CACNA1D: variants seen among roughly 807,000 people sequenced by gnomAD.
The protein encoded by CACNA1D is calcium voltage-gated channel subunit alpha1 D.
A neutral mutation model predicts 257.1 loss-of-function variants in CACNA1D; 55 were observed. The ratio of observed to expected loss-of-function variants is 0.21; its 90% CI spans 0.17 to 0.27. The LOEUF is 0.27. Among genes scored for constraint, CACNA1D ranks in the 10% least tolerant of loss-of-function variants. The probability of loss-of-function intolerance (pLI) is 1.00; values close to 1 mark genes in which losing one functional copy is unlikely to be tolerated. For missense variants in CACNA1D, 1,876 were observed against 2,784.0 expected, an observed-to-expected ratio of 0.67 and a Z score of 7.34; for synonymous variants, 980 against 1,014.9, an observed-to-expected ratio of 0.97 and a Z score of 0.65.
intron 11 of CACNA1D, among the ~76,000 whole-genome samples, chr3:53,721,881 G>A (rs758992873): frequency 6.6e-6 from 1 of 152,176 alleles, no homozygotes; most frequent in Non-Finnish European, 1.5e-5. Flanking sequence ...TGCTGCAAGA[G>A]ATGTGTATAA....
intron 12 of CACNA1D, among the ~76,000 whole-genome samples, chr3:53,722,848 A>T (rs2094896086): frequency 1.3e-5 from 2 of 152,158 alleles, no homozygotes; most frequent in Admixed American, 1.3e-4. Context: ...ATGCTCCAGC[A>T]CTGGGGTGTG....
intron 11 of CACNA1D, among the ~76,000 whole-genome samples, chr3:53,720,397 C>T (rs1352610222): frequency 6.6e-6 from 1 of 152,116 alleles, no homozygotes; most frequent in Admixed American, 6.5e-5. Context: ...CTTTCTGTAA[C>T]AGAAAACAAA....
At chr3:53,762,934 C>T (rs2095311876) in intron 30 of CACNA1D, among the ~76,000 whole-genome samples, 1 of 152,234 alleles carries the variant, frequency 6.6e-6, no homozygotes, top group Non-Finnish European at 1.5e-5. Context: ...AATGTTGTCA[C>T]TCACCAGTCG....
chr3:53,770,625 A>G, intron 32 of CACNA1D, 73 bp downstream of exon 32: 1 of 1,463,394 alleles, frequency 6.8e-7, no homozygotes, highest in Non-Finnish European at 9.5e-7. Flanking sequence ...TCCCCATCCT[A>G]GAGGACCCAG....
chr3:53,704,094 A>G (rs552567332), intron 9 of CACNA1D, among the ~76,000 whole-genome samples: 7 of 152,168 alleles, frequency 4.6e-5, no homozygotes, highest in Admixed American at 3.9e-4. Context: ...TGGAGCACAG[A>G]GGGTATGAAG....
At chr3:53,709,082 G>T (rs1368923061) in intron 9 of CACNA1D, among the ~76,000 whole-genome samples, 1 of 152,206 alleles carries the variant, frequency 6.6e-6, no homozygotes, top group Admixed American at 6.5e-5. Flanking sequence ...GGTGCAGCAG[G>T]AATAGGGTCT....
chr3:53,718,341 G>C lies in CACNA1D; in HGVS notation c.1431G>C (p.Glu477Asp), dbSNP rs760909552. The C allele has an allele frequency of 4.3e-6, 7 of 1,614,100 alleles. No homozygotes were observed. The highest frequency in any genetic ancestry group is 1.7e-5 in the Admixed American group (1 of 60,016). Residue 477 changes from glutamate (E) to aspartate (D), a missense_variant, in exon 10 of 48, where the codon GAG becomes GAC. Glu to Asp is a conservative substitution (Grantham distance 45, BLOSUM62 2). This residue lies in a region of CACNA1D where 257 missense variants were observed against 399.7 expected (regional missense o/e 0.64). Coordinates refer to ENST00000350061, the MANE Select transcript of CACNA1D (RefSeq NM_001128840.3). ...PTSETESVNTENVSGEGENRG... is the reference protein window; with the variant it reads ...PTSETESVNTDNVSGEGENRG... ...GCGAGACTGAGTCTGTGAACACAGA[G>C]AACGTCAGCGGTGAAGGCGAGAACC...
chr3:53,768,757 G>A (rs2095349223), intron 30 of CACNA1D, among the ~76,000 whole-genome samples: 1 of 152,142 alleles, frequency 6.6e-6, no homozygotes, highest in Non-Finnish European at 1.5e-5. Flanking sequence ...GAACTTTGTA[G>A]AATTTCCCTT....
At chr3:53,541,606 C>A (rs2092299524) in intron 3 of CACNA1D, among the ~76,000 whole-genome samples, 1 of 152,134 alleles carries the variant, frequency 6.6e-6, no homozygotes, top group Admixed American at 6.5e-5. Context: ...ACTGACCAGT[C>A]TTTTGGATCT....
intron 1 of CACNA1D, 77 bp from the exon 2 acceptor site, chr3:53,497,075 C>G (rs1323544938): frequency 9.1e-7 from 1 of 1,097,488 alleles, no homozygotes; most frequent in African/African-American, 1.6e-5. Context: ...TGATGGGAGA[C>G]AACCTTTGAT....
intron 21 of CACNA1D, among the ~76,000 whole-genome samples, chr3:53,740,989 A>G (rs2095111916): frequency 6.6e-6 from 1 of 152,212 alleles, no homozygotes; most frequent in South Asian, 2.1e-4. Context: ...GTCTGTTTTA[A>G]TGGATGGGCT....
intron 8 of CACNA1D, among the ~76,000 whole-genome samples, chr3:53,680,560 C>G (rs2094420531): frequency 6.6e-6 from 1 of 152,092 alleles, no homozygotes; most frequent in Admixed American, 6.5e-5. Flanking sequence ...GCAGGGGAGG[C>G]TGTTGAATCT....
chr3:53,590,982 C>T (rs1445914247), intron 3 of CACNA1D, among the ~76,000 whole-genome samples: 1 of 152,146 alleles, frequency 6.6e-6, no homozygotes, highest in Non-Finnish European at 1.5e-5. Context: ...GATTGAAATA[C>T]ACATTTGAGG....
At chr3:53,507,495 G>A (rs1388775070) in intron 3 of CACNA1D, among the ~76,000 whole-genome samples, 2 of 152,038 alleles carry the variant, frequency 1.3e-5, no homozygotes, top group Non-Finnish European at 2.9e-5. Context: ...GCGTGCACCT[G>A]TGGTCCCAGC....
intron 3 of CACNA1D, among the ~76,000 whole-genome samples, chr3:53,525,299 T>C (rs1559791108): frequency 6.6e-6 from 1 of 152,172 alleles, no homozygotes; most frequent in South Asian, 2.1e-4. Flanking sequence ...AAAATCCTGG[T>C]ATCGTAAATG....
chr3:53,646,316 G>A (rs144882892), intron 3 of CACNA1D, among the ~76,000 whole-genome samples: 279 of 152,304 alleles, frequency 1.8e-3, no homozygotes, highest in African/African-American at 6.1e-3. Context: ...CTAGCAGTTT[G>A]ACTCTTTATT....
intron 47 of CACNA1D, chr3:53,810,554 CAA>C: frequency 1.9e-6 from 1 of 519,576 alleles, no homozygotes; most frequent in Non-Finnish European, 3.5e-6. Context: ...GTCAGCGGCT[CAA>C]AGACCAGCCT....
At chr3:53,674,663 G>A (rs530851747) in intron 8 of CACNA1D, among the ~76,000 whole-genome samples, 5 of 152,278 alleles carry the variant, frequency 3.3e-5, no homozygotes, top group Admixed American at 6.5e-5. Context: ...CATCCACACC[G>A]CCTCTCAGAC....
intron 46 of CACNA1D, 110 bp from the exon 47 acceptor site, chr3:53,809,868 C>T (rs757406701): frequency 1.3e-4 from 121 of 965,384 alleles, no homozygotes; most frequent in Non-Finnish European, 1.9e-4. Context: ...CAAGTCCTTG[C>T]CTGGACTGCC....
Sources: allele counts gnomAD v4.1 joint callset (sites outside exome capture counted in the v4.1 genomes callset), GRCh38; gene constraint gnomAD v4.1.1; regional missense constraint gnomAD v4.1.1; transcripts MANE v1.5; gene names NCBI Gene and HGNC (gene_info 2026-07-23, HGNC 2026-07-21).